The following LRCH1 variants were observed in gnomAD, a reference collection of about 807,000 sequenced individuals.
LRCH1 encodes the protein leucine-rich repeat and calponin homology domain-containing protein 1.
A neutral mutation model predicts 94.9 loss-of-function variants in LRCH1; 23 were observed. The observed-to-expected ratio is 0.24, with a 90% confidence interval of 0.17 to 0.34. LRCH1 has a LOEUF of 0.34. LRCH1 is among the 10% of genes least tolerant of loss of function. The pLI is 1.00. For missense variants in LRCH1, 790 were observed against 945.9 expected (o/e 0.84, Z 2.16); for synonymous variants, 364 against 354.9 (o/e 1.03, Z -0.29).
At chr13:46,594,243 GA>G (rs1266865419) in intron 1 of LRCH1, among the ~76,000 whole-genome samples, 13,789 of 119,758 alleles carry the variant, frequency 0.12, 1,001 homozygotes, top group African/African-American at 0.24. Context: ...TAATCTCAGT[GA>G]AAAAAAAAAA....
At chr13:46,656,534 G>A (rs2051371801) in intron 2 of LRCH1, among the ~76,000 whole-genome samples, 1 of 152,226 alleles carries the variant, frequency 6.6e-6, no homozygotes, top group African/African-American at 2.4e-5. Flanking sequence ...TTTGTTTTGT[G>A]AAATGACAGA....
intron 5 of LRCH1, 137 bp downstream of exon 5, chr13:46,686,178 G>A: frequency 1.1e-6 from 1 of 879,028 alleles, no homozygotes; most frequent in Non-Finnish European, 1.6e-6. Context: ...TTGGAGAAAA[G>A]GCATCAAAAT....
At chr13:46,709,705 T>C (rs1357302039) in intron 13 of LRCH1, among the ~76,000 whole-genome samples, 1 of 152,206 alleles carries the variant, frequency 6.6e-6, no homozygotes, top group Non-Finnish European at 1.5e-5. Flanking sequence ...TTTGTGTTAT[T>C]TTAACATAAG....
chr13:46,668,391 C>G (rs1295849739), intron 2 of LRCH1, among the ~76,000 whole-genome samples: 1 of 152,146 alleles, frequency 6.6e-6, no homozygotes, highest in Non-Finnish European at 1.5e-5. Flanking sequence ...GCCAGAAGAC[C>G]AACTTTCCTT....
chr13:46,697,826 A>G (rs889404644), intron 9 of LRCH1, among the ~76,000 whole-genome samples: 10 of 152,224 alleles, frequency 6.6e-5, no homozygotes, highest in Non-Finnish European at 1.3e-4. Context: ...GATCAACTGT[A>G]AAACCATTTA....
intron 1 of LRCH1, among the ~76,000 whole-genome samples, chr13:46,618,970 A>G (rs551171068): frequency 3.3e-5 from 5 of 152,334 alleles, no homozygotes; most frequent in African/African-American, 1.2e-4. Context: ...CGATGGTGCC[A>G]CAGTTTACAA....
intron 1 of LRCH1, among the ~76,000 whole-genome samples, chr13:46,571,415 G>A (rs546513484): frequency 6.6e-6 from 1 of 152,322 alleles, no homozygotes; most frequent in South Asian, 2.1e-4. Context: ...AAGTGGCGAC[G>A]AGTACCAACT....
rs1420134858 is a variant in LRCH1 at position 46,699,317 on chromosome 13, C to A, written c.1246-19C>A. 3.1e-6 allele frequency: 5 copies of A among 1,608,402 alleles called. No homozygotes were observed. Among genetic ancestry groups the A allele is most frequent in the Non-Finnish European group, 4.3e-6 (5 of 1,174,912 alleles). ...GAGTAGCCAATGGTTTTCAGGAACC[C>A]TGTGTGTTTTGTCCACAGGCAAGGG... is the stretch of plus-strand genomic sequence containing the variant. On this transcript the variant is annotated intron_variant, in intron 9 of 19. Transcript: ENST00000389797.
intron 19 of LRCH1, among the ~76,000 whole-genome samples, chr13:46,741,229 TG>T (rs1249514894): frequency 6.6e-6 from 1 of 151,850 alleles, no homozygotes; most frequent in African/African-American, 2.4e-5. Context: ...GAATGGAGAG[TG>T]GGGGTAGGGA....
intron 15 of LRCH1, 122 bp from the exon 16 acceptor site, chr13:46,715,438 A>G (rs1872271801): frequency 1.6e-6 from 1 of 636,334 alleles, no homozygotes; most frequent in Admixed American, 2.4e-5. Context: ...AACCCCATAT[A>G]AATGAAATCC....
chr13:46,620,911 G>A (rs1385161452), intron 1 of LRCH1, among the ~76,000 whole-genome samples: 3 of 152,188 alleles, frequency 2.0e-5, no homozygotes, highest in African/African-American at 7.2e-5. Context: ...TGGAAGAGAT[G>A]TAATCTAATT....
At chr13:46,731,266 TCTC>T (rs1873093463) in intron 18 of LRCH1, among the ~76,000 whole-genome samples, 2 of 152,090 alleles carry the variant, frequency 1.3e-5, no homozygotes, top group Admixed American at 1.3e-4. Flanking sequence ...GGAGATGGAG[TCTC>T]CTCTGTCGCC....
chr13:46,701,767 A>T (rs921484488), intron 11 of LRCH1, among the ~76,000 whole-genome samples: 1 of 152,194 alleles, frequency 6.6e-6, no homozygotes, highest in Admixed American at 6.5e-5. Context: ...ACTAATGGTA[A>T]TGGAATTCCC....
chr13:46,723,888 A>G (rs1213282722), intron 17 of LRCH1, among the ~76,000 whole-genome samples: 4 of 152,178 alleles, frequency 2.6e-5, no homozygotes, highest in South Asian at 2.1e-4. Flanking sequence ...TAATATATAC[A>G]TATAAATGCT....
intron 1 of LRCH1, among the ~76,000 whole-genome samples, chr13:46,637,790 T>C (rs2051110527): frequency 6.6e-6 from 1 of 152,258 alleles, no homozygotes; most frequent in Non-Finnish European, 1.5e-5. Context: ...TCATTTGTGT[T>C]TGTATCACCC....
chr13:46,736,822 G>C (rs1206696317), intron 19 of LRCH1, among the ~76,000 whole-genome samples: 1 of 152,088 alleles, frequency 6.6e-6, no homozygotes, highest in African/African-American at 2.4e-5. Context: ...AACTGACAAT[G>C]ATAAATCATC....
intron 1 of LRCH1, among the ~76,000 whole-genome samples, chr13:46,600,561 A>G (rs2137981171): frequency 6.6e-6 from 1 of 151,756 alleles, no homozygotes; most frequent in South Asian, 2.1e-4. Context: ...AAACTTTTAA[A>G]ATTAAGACAC....
At chr13:46,713,040 T>C (rs951821654) in intron 15 of LRCH1, among the ~76,000 whole-genome samples, 15 of 152,232 alleles carry the variant, frequency 9.9e-5, no homozygotes, top group Non-Finnish European at 1.5e-4. Flanking sequence ...AACAGAGTGG[T>C]CATTTCAAGG....
At chr13:46,643,139 C>T (rs902869746) in intron 1 of LRCH1, among the ~76,000 whole-genome samples, 2 of 152,190 alleles carry the variant, frequency 1.3e-5, no homozygotes, top group African/African-American at 2.4e-5. Flanking sequence ...CTTTTCACAG[C>T]CCCTTGCCCA....
Sources: gnomAD v4.1 joint callset for allele counts (sites outside exome capture counted in the v4.1 genomes callset) on GRCh38, gnomAD v4.1.1 for gene constraint, MANE v1.5 for transcripts, NCBI Gene and HGNC (gene_info 2026-07-23, HGNC 2026-07-21) for gene names.